Variants in HPSE2 observed in about 807,000 individuals in gnomAD.
HPSE2 encodes heparanase 2 (inactive), also known as inactive heparanase-2.
HPSE2 carries 38 observed loss-of-function variants against 60.5 expected under a neutral mutation model. The ratio of observed to expected loss-of-function variants is 0.63; its 90% CI spans 0.48 to 0.82. The LOEUF is 0.82. Ranked by LOEUF, HPSE2 falls within the 40% of genes least tolerant of loss-of-function variation. HPSE2 has a pLI of 0.00. For missense variants in HPSE2, 713 were observed against 740.4 expected (o/e 0.96, Z 0.43); for synonymous variants, 295 against 293.2 (o/e 1.01, Z -0.06).
chr10:98,630,556 T>A (rs964530862), intron 7 of HPSE2, among the ~76,000 whole-genome samples: 29 of 148,588 alleles, frequency 2.0e-4, no homozygotes, highest in Admixed American at 8.0e-4. Flanking sequence ...ATTGTTTTGA[T>A]TTTTTTTTTC....
At chr10:99,013,424 T>C in intron 3 of HPSE2, 1 of 525,370 alleles carries the variant, frequency 1.9e-6, no homozygotes. Context: ...ACGAAGAGAT[T>C]CTTGGCCACC....
At chr10:98,704,812 A>C (rs1948504090) in intron 5 of HPSE2, among the ~76,000 whole-genome samples, 1 of 152,232 alleles carries the variant, frequency 6.6e-6, no homozygotes, top group African/African-American at 2.4e-5. Context: ...GAACCCTAGA[A>C]GAAAACCTAG....
intron 9 of HPSE2, among the ~76,000 whole-genome samples, chr10:98,598,135 CT>C (rs1488117193): frequency 6.6e-6 from 1 of 151,270 alleles, no homozygotes; most frequent in Non-Finnish European, 1.5e-5. Context: ...GGTATGTCAC[CT>C]TGTTTTTATA....
intron 3 of HPSE2, among the ~76,000 whole-genome samples, chr10:99,090,974 T>C (rs1843492381): frequency 6.6e-6 from 1 of 152,158 alleles, no homozygotes. Context: ...AATTCTGTCC[T>C]GGCCTGCCTT....
intron 3 of HPSE2, among the ~76,000 whole-genome samples, chr10:98,993,511 AC>A (rs1956574713): frequency 1.3e-5 from 2 of 152,324 alleles, no homozygotes; most frequent in African/African-American, 4.8e-5. Flanking sequence ...AACCTTTGAA[AC>A]TTTACTTTGA....
rs114327144 is a variant in HPSE2, at chr10:98,822,023, T to C, written c.611-77967A>G. On this transcript the variant is annotated intron_variant, in intron 3 of 11. Transcript: ENST00000370552. ...TTTTTGCCCAACAACAAATTTACGG[T>C]ATGGTCCCAATAATAAACTGCTATT... Among the ~76,000 whole-genome samples, 894 of 152,316 alleles carry C rather than the reference T, an allele frequency of 5.9e-3. 5 individuals are homozygous for C. The highest frequency in any genetic ancestry group is 0.02 in the African/African-American group (846 of 41,576).
chr10:98,730,977 C>G (rs891548603), intron 4 of HPSE2, among the ~76,000 whole-genome samples: 4 of 152,082 alleles, frequency 2.6e-5, no homozygotes, highest in African/African-American at 7.2e-5. Flanking sequence ...GCCCTGACAC[C>G]AAAGCCAGTC....
At chr10:98,990,741 A>C (rs1429874380) in intron 3 of HPSE2, among the ~76,000 whole-genome samples, 2 of 152,188 alleles carry the variant, frequency 1.3e-5, no homozygotes, top group Non-Finnish European at 2.9e-5. Flanking sequence ...TAGATCCTGG[A>C]GCTCTAGCAA....
At chr10:98,646,773 C>T (rs571586333) in intron 6 of HPSE2, among the ~76,000 whole-genome samples, 1 of 151,960 alleles carries the variant, frequency 6.6e-6, no homozygotes, top group Non-Finnish European at 1.5e-5. Flanking sequence ...TGGTGTTGCC[C>T]TTTATTTTTA....
At chr10:98,879,933 C>T (rs1219742412) in intron 3 of HPSE2, among the ~76,000 whole-genome samples, 2 of 150,100 alleles carry the variant, frequency 1.3e-5, no homozygotes, top group African/African-American at 4.9e-5. Context: ...ATGAGTTTTA[C>T]ATTACAGTTG....
At chr10:99,241,299 G>A in the HPSE2 span, among the ~76,000 whole-genome samples, 2 of 152,274 alleles carry the variant, frequency 1.3e-5, no homozygotes, top group East Asian at 3.9e-4. Context: ...AGGAGTTGGA[G>A]GCTCTAGGTT....
the HPSE2 span, among the ~76,000 whole-genome samples, chr10:99,256,998 A>G: frequency 5.3e-5 from 8 of 152,218 alleles, no homozygotes; most frequent in Non-Finnish European, 1.0e-4. Context: ...ATATTTTTAT[A>G]ATTTCTTACG....
At chr10:98,554,732 T>C (rs1296745004) in intron 9 of HPSE2, among the ~76,000 whole-genome samples, 4 of 152,200 alleles carry the variant, frequency 2.6e-5, no homozygotes, top group African/African-American at 7.2e-5. Context: ...GGAAAGTCAG[T>C]TGCCCTTAGA....
At chr10:98,895,482 G>C (rs1163945046) in intron 3 of HPSE2, among the ~76,000 whole-genome samples, 5 of 152,086 alleles carry the variant, frequency 3.3e-5, no homozygotes. Context: ...CTGTGTAAAG[G>C]TAATCACATT....
intron 4 of HPSE2, among the ~76,000 whole-genome samples, chr10:98,740,725 T>C (rs1309833795): frequency 2.0e-5 from 3 of 152,202 alleles, no homozygotes; most frequent in African/African-American, 4.8e-5. Flanking sequence ...TGTAGGTATA[T>C]GGAAAGATGA....
At chr10:98,695,477 A>G (rs1217238858) in intron 5 of HPSE2, among the ~76,000 whole-genome samples, 2 of 152,194 alleles carry the variant, frequency 1.3e-5, no homozygotes, top group South Asian at 2.1e-4. Flanking sequence ...GGAATGTAAC[A>G]TTTACTACGT....
chr10:99,308,373 C>T, the HPSE2 span, among the ~76,000 whole-genome samples: 4 of 8,864 alleles, frequency 4.5e-4, no homozygotes, highest in African/African-American at 4.2e-4. Flanking sequence ...GAGCAAGACT[C>T]TGTCTCAAAA....
the HPSE2 span, among the ~76,000 whole-genome samples, chr10:99,300,682 T>G: frequency 6.6e-6 from 1 of 152,198 alleles, no homozygotes; most frequent in Non-Finnish European, 1.5e-5. Flanking sequence ...CTCCTAACTT[T>G]AAGTGCTTTT....
chr10:98,548,910 G>A (rs584744), intron 9 of HPSE2, among the ~76,000 whole-genome samples: 130,983 of 152,184 alleles, frequency 0.86, 57,335 homozygotes, highest in East Asian at 1. Context: ...CTAGATCCCT[G>A]TTGAATTTCT....
Sources: gnomAD v4.1 joint callset for allele counts (sites outside exome capture counted in the v4.1 genomes callset) on GRCh38, gnomAD v4.1.1 for gene constraint, MANE v1.5 for transcripts, NCBI Gene and HGNC (gene_info 2026-07-23, HGNC 2026-07-21) for gene names.